Variants in CCSER1 observed in about 807,000 individuals in gnomAD.
CCSER1 encodes the protein serine-rich coiled-coil domain-containing protein 1.
CCSER1 carries 41 observed loss-of-function variants against 82.0 expected under a neutral mutation model. That is an observed-to-expected ratio of 0.50 (90% confidence interval 0.39 to 0.65). The LOEUF (loss-of-function observed/expected upper bound fraction) is 0.65. Ranked by LOEUF, CCSER1 falls within the 30% of genes least tolerant of loss-of-function variation. The probability of loss-of-function intolerance (pLI) is 0.00; values close to 1 mark genes in which losing one functional copy is unlikely to be tolerated. For synonymous variants in CCSER1, 414 were observed against 383.9 expected (o/e 1.08, Z -0.92); for missense variants, 1,119 against 1,064.2 (o/e 1.05, Z -0.72).
chr4:91,065,378 T>C (rs1324088819), intron 9 of CCSER1, among the ~76,000 whole-genome samples: 1 of 152,130 alleles, frequency 6.6e-6, no homozygotes, highest in Non-Finnish European at 1.5e-5. Flanking sequence ...TGTACATTAT[T>C]GTATAATTAA....
At chr4:90,364,847 A>G (rs998567899) in intron 3 of CCSER1, among the ~76,000 whole-genome samples, 1 of 152,000 alleles carries the variant, frequency 6.6e-6, no homozygotes, top group African/African-American at 2.4e-5. Flanking sequence ...ATAGGTCAAA[A>G]TAAAATTTTG....
chr4:90,835,481 C>T (rs1196027579), intron 8 of CCSER1, among the ~76,000 whole-genome samples: 3 of 152,132 alleles, frequency 2.0e-5, no homozygotes, highest in African/African-American at 4.8e-5. Flanking sequence ...TTACTGTGTA[C>T]GGTATTTATT....
At chr4:91,474,387 A>G (rs1017001165) in intron 10 of CCSER1, among the ~76,000 whole-genome samples, 5 of 151,918 alleles carry the variant, frequency 3.3e-5, no homozygotes, top group African/African-American at 9.7e-5. Flanking sequence ...ATAATTACAT[A>G]TATAATCACA....
At chr4:90,307,488 C>T (rs1461738) in intron 1 of CCSER1, among the ~76,000 whole-genome samples, 65,853 of 130,000 alleles carry the variant, frequency 0.51, 17,184 homozygotes, top group African/African-American at 0.69. Flanking sequence ...GCTTCCCAAA[C>T]CAAACTTGTC....
intron 10 of CCSER1, among the ~76,000 whole-genome samples, chr4:91,341,482 A>C (rs2149288149): frequency 6.6e-6 from 1 of 152,356 alleles, no homozygotes; most frequent in African/African-American, 2.4e-5. Flanking sequence ...ATTGAATACA[A>C]TTGAAAATGC....
intron 8 of CCSER1, among the ~76,000 whole-genome samples, chr4:90,828,923 A>G (rs1283503136): frequency 5.9e-5 from 9 of 152,262 alleles, no homozygotes; most frequent in Non-Finnish European, 1.5e-5. Context: ...ATGAAAGGGG[A>G]AAGAAAGACT....
chr4:91,387,567 T>G (rs920641720), intron 10 of CCSER1, among the ~76,000 whole-genome samples: 1 of 152,088 alleles, frequency 6.6e-6, no homozygotes, highest in African/African-American at 2.4e-5. Flanking sequence ...AATGTTTAAG[T>G]ATCTAACTAA....
At chr4:91,087,064 T>C (rs555785554) in intron 10 of CCSER1, among the ~76,000 whole-genome samples, 136 of 152,218 alleles carry the variant, frequency 8.9e-4, no homozygotes, top group Non-Finnish European at 1.5e-3. Context: ...ATAAGGAAGA[T>C]CTCAGAACCT....
chr4:91,438,296 A>C (rs551738609), intron 10 of CCSER1, among the ~76,000 whole-genome samples: 1 of 152,298 alleles, frequency 6.6e-6, no homozygotes, highest in Non-Finnish European at 1.5e-5. Context: ...TTCTAGAGGA[A>C]TGATCAGACA....
intron 3 of CCSER1, among the ~76,000 whole-genome samples, chr4:90,341,892 C>T (rs774386334): frequency 6.6e-6 from 1 of 152,070 alleles, no homozygotes; most frequent in African/African-American, 2.4e-5. Flanking sequence ...GAATGTTTAC[C>T]TTATATGCAT....
chr4:90,852,995 C>G (rs935192800), intron 8 of CCSER1, among the ~76,000 whole-genome samples: 1 of 151,896 alleles, frequency 6.6e-6, no homozygotes, highest in African/African-American at 2.4e-5. Flanking sequence ...TGTATTTATA[C>G]AGTGATTTGG....
chr4:90,520,596 G>T (rs1170692226), intron 5 of CCSER1, among the ~76,000 whole-genome samples: 1 of 152,092 alleles, frequency 6.6e-6, no homozygotes, highest in Non-Finnish European at 1.5e-5. Flanking sequence ...TCTTACATAT[G>T]AATGAATTAA....
At chr4:91,261,530 C>T (rs1027128288) in intron 10 of CCSER1, among the ~76,000 whole-genome samples, 4 of 152,134 alleles carry the variant, frequency 2.6e-5, no homozygotes, top group East Asian at 1.9e-4. Context: ...CTGCTGTGTA[C>T]GTAATAATCT....
In CCSER1 at chr4:91,006,257, A is replaced by AT. The variant is rs552203112; in HGVS notation, c.2173-79684dup. 4.3e-3 allele frequency among the ~76,000 whole-genome samples: 652 copies of AT among 150,282 alleles called. 8 individuals carry two copies. The highest frequency in any genetic ancestry group is 0.015 in the African/African-American group (604 of 41,014). ...CTTGGTTAAATTTATTCCTGGCGAT[A>AT]TTTTTTTTTGTAGCTATTATAAATG... On this transcript the variant is annotated intron_variant, in intron 9 of 10. Transcript: ENST00000509176.
chr4:91,419,884 G>A (rs940085890), intron 10 of CCSER1, among the ~76,000 whole-genome samples: 8 of 152,076 alleles, frequency 5.3e-5, no homozygotes, highest in African/African-American at 1.9e-4. Context: ...TAGTGAGCCT[G>A]TAAGTAAACC....
intron 6 of CCSER1, among the ~76,000 whole-genome samples, chr4:90,693,896 G>T (rs1172288991): frequency 6.8e-6 from 1 of 147,002 alleles, no homozygotes; most frequent in African/African-American, 2.4e-5. Flanking sequence ...AGAAGAAAGA[G>T]AAAGAAAGAA....
At chr4:90,402,591 C>G (rs1361760723) in intron 4 of CCSER1, among the ~76,000 whole-genome samples, 1 of 152,068 alleles carries the variant, frequency 6.6e-6, no homozygotes, top group Non-Finnish European at 1.5e-5. Flanking sequence ...AATATTCTCT[C>G]TATTTTGTAT....
chr4:90,154,990 C>A (rs1727760930), intron 1 of CCSER1, among the ~76,000 whole-genome samples: 1 of 152,094 alleles, frequency 6.6e-6, no homozygotes, highest in Non-Finnish European at 1.5e-5. Context: ...AGTTTTTGCC[C>A]ATTCAGTATG....
chr4:90,560,143 A>T lies in CCSER1; in HGVS notation c.1725-67882A>T, dbSNP rs540273117. On this transcript the variant is annotated intron_variant, in intron 5 of 10. Coordinates refer to ENST00000509176, the MANE Select transcript of CCSER1 (RefSeq NM_001145065.2). ...CTTCATTCTCAAACAGAGGCTAGTT[A>T]TGTTTTATATCTTCTGTGGGAGAGA... is the stretch of plus-strand genomic sequence containing the variant. Among the ~76,000 whole-genome samples, 41 of 152,140 alleles carry T rather than the reference A, an allele frequency of 2.7e-4. 1 individual carries two copies. In the South Asian group the frequency reaches 8.3e-3, roughly 31 times the overall value.
Sources: gnomAD v4.1 joint callset for allele counts (sites outside exome capture counted in the v4.1 genomes callset) on GRCh38, gnomAD v4.1.1 for gene constraint, MANE v1.5 for transcripts, NCBI Gene and HGNC (gene_info 2026-07-23, HGNC 2026-07-21) for gene names.